Variants in SERPINI2 observed in about 807,000 individuals in gnomAD.
SERPINI2 encodes the protein serpin I2.
A neutral mutation model predicts 47.3 loss-of-function variants in SERPINI2; 48 were observed. The ratio of observed to expected loss-of-function variants is 1.02; its 90% CI spans 0.81 to 1.29. The LOEUF (loss-of-function observed/expected upper bound fraction) is 1.29. SERPINI2 is among the 50% of genes most tolerant of loss of function. The pLI, the probability that SERPINI2 is intolerant of heterozygous loss-of-function variation, is 0.00. For synonymous variants in SERPINI2, 135 were observed against 149.3 expected (o/e 0.90, Z 0.70); for missense variants, 448 against 456.9 (o/e 0.98, Z 0.18).
chr3:167,448,599 T>G (rs1749546141), intron 7 of SERPINI2, among the ~76,000 whole-genome samples: 1 of 152,170 alleles, frequency 6.6e-6, no homozygotes, highest in Non-Finnish European at 1.5e-5. Context: ...CTAGGCTCAC[T>G]ACAAGCTCTG....
intron 8 of SERPINI2, among the ~76,000 whole-genome samples, chr3:167,443,648 T>G (rs536454001): frequency 6.6e-6 from 1 of 152,276 alleles, no homozygotes; most frequent in Admixed American, 6.5e-5. Flanking sequence ...GTAGTTTGTC[T>G]GGAAAAATTT....
chr3:167,475,493 T>C (rs1750456740), upstream of SERPINI2, among the ~76,000 whole-genome samples: 1 of 151,780 alleles, frequency 6.6e-6, no homozygotes, highest in East Asian at 1.9e-4. Context: ...ACTAAGACCA[T>C]TTAATGAAAT....
At chr3:167,471,672 C>T (rs1299361995) in exon 2 of SERPINI2, 1 of 1,613,396 alleles carries the variant, frequency 6.2e-7, no homozygotes, top group Non-Finnish European at 8.5e-7. Flanking sequence ...ATCTCAAGAA[C>T]CAAAGTTATT....
intron 6 of SERPINI2, among the ~76,000 whole-genome samples, chr3:167,452,475 G>C (rs1012133053): frequency 1.3e-5 from 2 of 152,210 alleles, no homozygotes; most frequent in African/African-American, 2.4e-5. Flanking sequence ...TCTGCAAGCT[G>C]TAGCGTTACA....
At chr3:167,467,857 A>C (rs556031463) in intron 2 of SERPINI2, among the ~76,000 whole-genome samples, 1 of 152,310 alleles carries the variant, frequency 6.6e-6, no homozygotes, top group African/African-American at 2.4e-5. Flanking sequence ...CAAGTTCATG[A>C]ATTTATATAC....
intron 5 of SERPINI2, among the ~76,000 whole-genome samples, chr3:167,456,901 A>G (rs983369092): frequency 3.3e-5 from 5 of 152,248 alleles, no homozygotes; most frequent in African/African-American, 1.2e-4. Context: ...TATACACATT[A>G]TCTCATGGAA....
intron 2 of SERPINI2, among the ~76,000 whole-genome samples, chr3:167,470,364 A>C (rs1332359780): frequency 3.3e-5 from 5 of 152,160 alleles, no homozygotes; most frequent in Admixed American, 3.3e-4. Context: ...TATTTTCAGG[A>C]AAGCAAATTT....
rs372309316 is a variant in SERPINI2 at position 167,452,940 on chromosome 3, T to C, written c.960A>G (p.Ile320Met). 9 of 1,578,516 alleles carry C rather than the reference T, an allele frequency of 5.7e-6. No homozygotes were observed. The African/African-American group carries it at 1.1e-4, about 19-fold the overall frequency. Residue 320 changes from isoleucine (I) to methionine (M), a missense_variant, in exon 6 of 9, where the codon ATA (isoleucine) becomes ATG (methionine). Coordinates refer to ENST00000264677, the Ensembl canonical transcript of SERPINI2. ...AAGAATTATTTATCATACTACCTGT[T>C]ATTCCAGAAAGGTCGCAGCCACCAC... is the stretch of plus-strand genomic sequence containing the variant.
chr3:167,450,463 C>T (rs1488563900), intron 6 of SERPINI2, among the ~76,000 whole-genome samples: 1 of 152,192 alleles, frequency 6.6e-6, no homozygotes, highest in Non-Finnish European at 1.5e-5. Context: ...CAAGATAGAT[C>T]TGACAATGTT....
At chr3:167,459,078 G>GTTTGTTTTTTTTTTTTTTTT (rs1560233541) in intron 5 of SERPINI2, among the ~76,000 whole-genome samples, 3 of 139,026 alleles carry the variant, frequency 2.2e-5, no homozygotes, top group African/African-American at 8.0e-5. Flanking sequence ...GTTTTTTTTT[G>GTTTGTTTTTTTTTTTTTTTT]TTTTTTTTTT....
intron 6 of SERPINI2, among the ~76,000 whole-genome samples, chr3:167,452,263 C>T (rs80126847): frequency 0.058 from 8,801 of 152,224 alleles, 804 homozygotes; most frequent in African/African-American, 0.2. Flanking sequence ...TTGGGACAAA[C>T]TGGCTCTCTT....
intron 2 of SERPINI2, among the ~76,000 whole-genome samples, chr3:167,471,199 G>A (rs1037531248): frequency 6.6e-6 from 1 of 151,828 alleles, no homozygotes; most frequent in Non-Finnish European, 1.5e-5. Flanking sequence ...CCATGACATG[G>A]GAAAATGATC....
At chr3:167,456,166 G>GTA (rs200952065) in intron 5 of SERPINI2, among the ~76,000 whole-genome samples, 1,890 of 150,836 alleles carry the variant, frequency 0.013, 35 homozygotes, top group African/African-American at 0.045. Flanking sequence ...GTGTGTGTGT[G>GTA]TGTGTGTGTG....
exon 1 of SERPINI2, chr3:167,474,064 T>A (rs1377339897): frequency 9.6e-7 from 1 of 1,038,206 alleles, no homozygotes; most frequent in African/African-American, 1.7e-5. Flanking sequence ...GCTGGAAAAC[T>A]CTTGTACATA....
chr3:167,448,801 C>T (rs62279814), intron 7 of SERPINI2, among the ~76,000 whole-genome samples: 5,012 of 151,910 alleles, frequency 0.033, 130 homozygotes, highest in African/African-American at 0.077. Flanking sequence ...GGATTACAGG[C>T]GTGAGCCACC....
At chr3:167,458,964 GC>G (rs1749896009) in intron 5 of SERPINI2, among the ~76,000 whole-genome samples, 1 of 151,896 alleles carries the variant, frequency 6.6e-6, no homozygotes, top group East Asian at 1.9e-4. Flanking sequence ...TATCATTTTT[GC>G]CCATACACAC....
At chr3:167,462,170 T>C (rs1332708942) in intron 5 of SERPINI2, among the ~76,000 whole-genome samples, 2 of 152,222 alleles carry the variant, frequency 1.3e-5, no homozygotes, top group African/African-American at 4.8e-5. Context: ...AATTGGTACC[T>C]GGTTTTAAAT....
At chr3:167,469,000 G>C (rs371843076) in intron 2 of SERPINI2, among the ~76,000 whole-genome samples, 1 of 152,116 alleles carries the variant, frequency 6.6e-6, no homozygotes, top group Non-Finnish European at 1.5e-5. Flanking sequence ...ATGTACTTAA[G>C]GTCTAAGTCT....
At chr3:167,456,874 T>A (rs1027930065) in intron 5 of SERPINI2, among the ~76,000 whole-genome samples, 1 of 152,198 alleles carries the variant, frequency 6.6e-6, no homozygotes, top group Non-Finnish European at 1.5e-5. Context: ...TTAGCTAATA[T>A]TGAGCACTAA....
Sources: gnomAD v4.1 joint callset for allele counts (sites outside exome capture counted in the v4.1 genomes callset) on GRCh38, gnomAD v4.1.1 for gene constraint, MANE v1.5 for transcripts, NCBI Gene and HGNC (gene_info 2026-07-23, HGNC 2026-07-21) for gene names.